The following THSD7B variants were observed in gnomAD, a reference collection of about 807,000 sequenced individuals.
THSD7B encodes thrombospondin type-1 domain-containing protein 7B.
THSD7B carries 138 observed loss-of-function variants against 213.6 expected under a neutral mutation model. That is an observed-to-expected ratio of 0.65 (90% CI 0.56 to 0.74). The LOEUF (loss-of-function observed/expected upper bound fraction) is 0.74, where lower values mean the gene tolerates loss of function less well. Among genes scored for constraint, THSD7B ranks in the 30% least tolerant of loss-of-function variants. The probability of loss-of-function intolerance (pLI) is 0.00; values close to 1 mark genes in which losing one functional copy is unlikely to be tolerated. For synonymous variants in THSD7B, 742 were observed against 687.0 expected (o/e 1.08, Z -1.25); for missense variants, 1,931 against 1,991.5 (o/e 0.97, Z 0.58).
intron 7 of THSD7B, among the ~76,000 whole-genome samples, chr2:137,190,677 C>T (rs970920997): frequency 1.3e-5 from 2 of 152,104 alleles, no homozygotes. Flanking sequence ...ACCAGAATCC[C>T]CTGGGGCTGG....
chr2:137,452,879 T>C (rs1384363343), intron 15 of THSD7B, among the ~76,000 whole-genome samples: 1 of 152,154 alleles, frequency 6.6e-6, no homozygotes, highest in Non-Finnish European at 1.5e-5. Context: ...ACTTATACCC[T>C]TGGGAAGTTG....
At chr2:137,181,690 A>G (rs1031690603) in intron 7 of THSD7B, among the ~76,000 whole-genome samples, 1 of 151,926 alleles carries the variant, frequency 6.6e-6, no homozygotes, top group African/African-American at 2.4e-5. Flanking sequence ...ACAATTTTGT[A>G]TTTTTCCTCG....
chr2:137,515,702 T>TA (rs1480949901), intron 15 of THSD7B, among the ~76,000 whole-genome samples: 1 of 151,926 alleles, frequency 6.6e-6, no homozygotes, highest in Non-Finnish European at 1.5e-5. Context: ...CTCAGGGAGT[T>TA]AAAAAAGTTT....
chr2:137,207,130 G>T (rs1399704178), intron 7 of THSD7B, among the ~76,000 whole-genome samples: 1 of 152,012 alleles, frequency 6.6e-6, no homozygotes, highest in Non-Finnish European at 1.5e-5. Context: ...TAAAAGTGAA[G>T]AGAGGAGGAG....
At chr2:137,316,787 A>T (rs1684119528) in intron 12 of THSD7B, among the ~76,000 whole-genome samples, 1 of 151,842 alleles carries the variant, frequency 6.6e-6, no homozygotes, top group Non-Finnish European at 1.5e-5. Context: ...AAAAAAAAAG[A>T]AAAGGCGACC....
chr2:137,196,164 A>G (rs1171063235), intron 7 of THSD7B, among the ~76,000 whole-genome samples: 1 of 152,176 alleles, frequency 6.6e-6, no homozygotes, highest in Non-Finnish European at 1.5e-5. Flanking sequence ...AAAATCAAAG[A>G]GAGACTTCTA....
chr2:136,838,805 C>A (rs1392480854), intron 1 of THSD7B, among the ~76,000 whole-genome samples: 2 of 152,278 alleles, frequency 1.3e-5, no homozygotes, highest in Non-Finnish European at 2.9e-5. Context: ...GGGTACCATA[C>A]TGGCACTCAA....
rs546651347 is a variant in THSD7B, at chr2:137,587,633, G to A, written c.3423+15077G>A. 2.4e-4 allele frequency among the ~76,000 whole-genome samples: 37 copies of A among 152,314 alleles called. 2 individuals are homozygous for A. In the South Asian group the frequency reaches 5.2e-3, roughly 21 times the overall value. On this transcript the variant is annotated intron_variant, in intron 17 of 27. Transcript: ENST00000409968. ...CCCTGTTTGCCTGGGTATCAGCAGC[G>A]GAGGCTGCAGAACAGCGAATATTGC... is the stretch of plus-strand genomic sequence containing the variant.
chr2:137,656,968 A>G lies in THSD7B; in HGVS notation c.4278A>G (p.Thr1426=), dbSNP rs1344253066. ...AGGTTCTAGAAACACGCCCTTGTAC[A>G]GGTACCAAGAGCACTTTTCAGTTCT... ...PQQVLETRPC[T]GGKCYHYTWK... is the part of the protein sequence containing the mutation. Residue 1426 remains threonine, a splice_region_variant and synonymous_variant, in exon 23 of 28, where the codon ACA becomes ACG. Transcript: ENST00000409968. The G allele has an allele frequency of 6.2e-7, 1 of 1,613,642 alleles. No individual in the cohort carries two copies. The highest frequency in any genetic ancestry group is 8.5e-7 in the Non-Finnish European group (1 of 1,179,676).
At chr2:137,168,963 G>T (rs934510803) in intron 6 of THSD7B, among the ~76,000 whole-genome samples, 1 of 151,896 alleles carries the variant, frequency 6.6e-6, no homozygotes, top group Non-Finnish European at 1.5e-5. Context: ...ATTTTATTTG[G>T]CTAGTTAATG....
chr2:137,526,418 TG>T (rs1263379685), intron 15 of THSD7B, among the ~76,000 whole-genome samples: 1 of 150,118 alleles, frequency 6.7e-6, no homozygotes, highest in Non-Finnish European at 1.5e-5. Flanking sequence ...TTGTTGTTGT[TG>T]TTGTTTGTTT....
chr2:136,998,909 GACACACACAC>G lies in THSD7B; in HGVS notation c.140-57470_140-57461del, dbSNP rs57138045. 7.7e-3 allele frequency among the ~76,000 whole-genome samples: 1,005 copies of G among 129,956 alleles called. 9 individuals carry two copies. Among genetic ancestry groups the G allele is most frequent in the South Asian group, 0.019 (67 of 3,564 alleles). The allele number at this position is 129,956 out of a possible 152,430, so 85.3% of individuals were successfully genotyped here. On this transcript the variant is annotated intron_variant, in intron 2 of 27. Coordinates refer to ENST00000409968, the MANE Select transcript of THSD7B (RefSeq NM_001316349.2). ...TTTCATGCTCCTTGAATACCCAACA[GACACACACAC>G]ACACACACACACACACACACACACA...
intron 7 of THSD7B, among the ~76,000 whole-genome samples, chr2:137,179,220 C>T (rs1466434258): frequency 2.0e-5 from 3 of 152,132 alleles, no homozygotes; most frequent in Non-Finnish European, 2.9e-5. Flanking sequence ...TCATCTTCCC[C>T]CCAGACATGT....
chr2:136,896,613 C>G (rs1025807015), intron 2 of THSD7B, among the ~76,000 whole-genome samples: 5 of 152,050 alleles, frequency 3.3e-5, no homozygotes, highest in Non-Finnish European at 5.9e-5. Flanking sequence ...TCTAAGAAAT[C>G]TTTGCCCTGT....
At chr2:137,095,979 G>C (rs1688032684) in intron 4 of THSD7B, among the ~76,000 whole-genome samples, 1 of 152,140 alleles carries the variant, frequency 6.6e-6, no homozygotes, top group South Asian at 2.1e-4. Context: ...TGGGATTGCA[G>C]GCTTGAGCCA....
At chr2:137,237,004 G>A (rs1681778971) in intron 9 of THSD7B, among the ~76,000 whole-genome samples, 1 of 151,744 alleles carries the variant, frequency 6.6e-6, no homozygotes, top group Admixed American at 6.6e-5. Context: ...CCAGCTACTC[G>A]GGAGGCTGAG....
chr2:137,624,154 A>C (rs1682576831), intron 20 of THSD7B, among the ~76,000 whole-genome samples: 1 of 152,232 alleles, frequency 6.6e-6, no homozygotes, highest in African/African-American at 2.4e-5. Flanking sequence ...AACACAACAG[A>C]GCCCTCAGAA....
At chr2:137,139,334 A>G (rs539352252) in intron 5 of THSD7B, among the ~76,000 whole-genome samples, 8 of 152,278 alleles carry the variant, frequency 5.3e-5, no homozygotes, top group African/African-American at 1.7e-4. Context: ...TTCCTCAGCT[A>G]ATAGATTATA....
chr2:137,580,243 T>A (rs1681546224), intron 17 of THSD7B, among the ~76,000 whole-genome samples: 1 of 152,082 alleles, frequency 6.6e-6, no homozygotes, highest in Admixed American at 6.6e-5. Context: ...TTTCTATTTT[T>A]GCTGTACCCA....
Sources: gnomAD v4.1 joint callset for allele counts (sites outside exome capture counted in the v4.1 genomes callset) on GRCh38, gnomAD v4.1.1 for gene constraint, MANE v1.5 for transcripts, NCBI Gene and HGNC (gene_info 2026-07-23, HGNC 2026-07-21) for gene names.